The following PLEKHG7 variants were observed in gnomAD, a reference collection of about 807,000 sequenced individuals.
PLEKHG7 encodes the protein pleckstrin homology and RhoGEF domain containing G7.
A neutral mutation model predicts 85.2 loss-of-function variants in PLEKHG7; 77 were observed. The ratio of observed to expected loss-of-function variants is 0.90; its 90% CI spans 0.75 to 1.09. PLEKHG7 has a LOEUF of 1.09. Among genes scored for constraint, PLEKHG7 ranks in the 50% least tolerant of loss-of-function variants. PLEKHG7 has a pLI of 0.00. For synonymous variants in PLEKHG7, 301 were observed against 302.4 expected (o/e 1.00, Z 0.05); for missense variants, 777 against 804.3 (o/e 0.97, Z 0.41).
At chr12:92,726,577 C>G (rs543310821) in intron 3 of PLEKHG7, among the ~76,000 whole-genome samples, 1 of 152,160 alleles carries the variant, frequency 6.6e-6, no homozygotes, top group Non-Finnish European at 1.5e-5. Flanking sequence ...CCCTACAGTT[C>G]CATGTTATTA....
chr12:92,761,671 A>G (rs1421332775), intron 13 of PLEKHG7, 81 bp from the exon 14 acceptor site: 2 of 1,285,472 alleles, frequency 1.6e-6, no homozygotes, highest in Non-Finnish European at 2.0e-6. Flanking sequence ...AGAAAGAAAG[A>G]AAGAAAGAAA....
At chr12:92,730,623 T>C (rs1452544861) in intron 4 of PLEKHG7, among the ~76,000 whole-genome samples, 1 of 152,240 alleles carries the variant, frequency 6.6e-6, no homozygotes, top group Non-Finnish European at 1.5e-5. Flanking sequence ...TTTCAACATA[T>C]TGGTCAGGGT....
intron 3 of PLEKHG7, among the ~76,000 whole-genome samples, chr12:92,718,867 A>G (rs771535078): frequency 1.3e-5 from 2 of 152,174 alleles, no homozygotes; most frequent in Non-Finnish European, 2.9e-5. Flanking sequence ...AATATTACTG[A>G]TTTGACCCCA....
At chr12:92,731,817 G>T (rs946164884) in intron 4 of PLEKHG7, among the ~76,000 whole-genome samples, 1 of 152,192 alleles carries the variant, frequency 6.6e-6, no homozygotes, top group Admixed American at 6.5e-5. Flanking sequence ...ATTGAAGTTT[G>T]CATGTGATGG....
chr12:92,752,427 A>G (rs1565795138), intron 10 of PLEKHG7, among the ~76,000 whole-genome samples: 2 of 152,204 alleles, frequency 1.3e-5, no homozygotes, highest in Non-Finnish European at 2.9e-5. Context: ...GGAAGATGTT[A>G]GAATCTCAGT....
intron 9 of PLEKHG7, among the ~76,000 whole-genome samples, chr12:92,744,503 A>G (rs1872467020): frequency 6.6e-6 from 1 of 152,202 alleles, no homozygotes; most frequent in Non-Finnish European, 1.5e-5. Flanking sequence ...TATTCTAAAA[A>G]CAATTTTAGG....
intron 10 of PLEKHG7, among the ~76,000 whole-genome samples, chr12:92,753,071 A>G (rs1872735469): frequency 6.6e-6 from 1 of 152,206 alleles, no homozygotes; most frequent in Non-Finnish European, 1.5e-5. Context: ...GGTTGGTGCA[A>G]AAGTAATTGC....
Position 92,737,394 on chromosome 12 carries a change from A to G in PLEKHG7, c.812A>G (p.Glu271Gly). The change falls in exon 7 of 17, where the codon GAA becomes GGA. Residue 271 changes from glutamate (E) to glycine (G), a missense_variant. By Grantham distance (98) the Glu-to-Gly change is moderately conservative (BLOSUM62 -2). Around this residue, in one of 3 missense-constraint regions of PLEKHG7, gnomAD observed 520 missense variants for 544.0 expected, o/e 0.96. Coordinates refer to ENST00000344636, the MANE Select transcript of PLEKHG7 (RefSeq NM_001377329.1). ...CATGTACAGGATAAGACCTGGGATG[A>G]AGTCTTGGAAACACATCACAAACTC... Reference protein sequence around the residue: ...FYGLKDKTWDEVLETHHKLPT... With the variant: ...FYGLKDKTWDGVLETHHKLPT... The G allele has an allele frequency of 1.3e-6, 2 of 1,528,036 alleles. No individual in the cohort carries two copies. Among genetic ancestry groups the G allele is most frequent in the Non-Finnish European group, 1.7e-6 (2 of 1,147,290 alleles). 94.7% of individuals were successfully genotyped at this position (1,528,036 alleles called of 1,614,324 possible).
At chr12:92,704,097 C>T (rs1283948073) in intron 1 of PLEKHG7, among the ~76,000 whole-genome samples, 2 of 152,016 alleles carry the variant, frequency 1.3e-5, no homozygotes, top group Non-Finnish European at 2.9e-5. Flanking sequence ...TGTGAAAGTA[C>T]CTATTGATTC....
chr12:92,729,576 TGATA>T (rs1347389145), intron 4 of PLEKHG7, among the ~76,000 whole-genome samples: 2 of 151,936 alleles, frequency 1.3e-5, no homozygotes, highest in African/African-American at 4.8e-5. Flanking sequence ...GATGAGTGTC[TGATA>T]GACAGGCAGC....
chr12:92,753,196 A>G (rs1412910022), intron 10 of PLEKHG7, among the ~76,000 whole-genome samples: 1 of 152,142 alleles, frequency 6.6e-6, no homozygotes, highest in East Asian at 1.9e-4. Flanking sequence ...GTTCAGGGTA[A>G]GAGAAGAGGA....
chr12:92,758,964 C>G (rs374942871), intron 13 of PLEKHG7, among the ~76,000 whole-genome samples: 1 of 152,148 alleles, frequency 6.6e-6, no homozygotes, highest in African/African-American at 2.4e-5. Flanking sequence ...GATCTAGCAC[C>G]AATTGTAGGC....
At chr12:92,709,253 A>G (rs1446176647) in intron 3 of PLEKHG7, among the ~76,000 whole-genome samples, 1 of 152,222 alleles carries the variant, frequency 6.6e-6, no homozygotes, top group Non-Finnish European at 1.5e-5. Flanking sequence ...TGCAAGAGAT[A>G]TTTAGGAGAT....
At chr12:92,720,503 T>C in intron 3 of PLEKHG7, among the ~76,000 whole-genome samples, 1 of 152,066 alleles carries the variant, frequency 6.6e-6, no homozygotes, top group Non-Finnish European at 1.5e-5. Context: ...TTTTTTGTAT[T>C]TTTAGTAGAG....
intron 10 of PLEKHG7, among the ~76,000 whole-genome samples, chr12:92,746,485 C>T (rs1042070538): frequency 6.6e-6 from 1 of 152,194 alleles, no homozygotes; most frequent in African/African-American, 2.4e-5. Context: ...ATTTTTGTAG[C>T]TTCAGCCCTT....
chr12:92,710,808 C>T (rs1388260054), intron 3 of PLEKHG7, among the ~76,000 whole-genome samples: 1 of 152,152 alleles, frequency 6.6e-6, no homozygotes. Context: ...GTTCATGGGC[C>T]CATCGGGCAA....
At chr12:92,713,906 A>G (rs1185561409) in intron 3 of PLEKHG7, among the ~76,000 whole-genome samples, 1 of 152,168 alleles carries the variant, frequency 6.6e-6, no homozygotes, top group Non-Finnish European at 1.5e-5. Flanking sequence ...GTCCCTATTT[A>G]GTGGGCCCAA....
At chr12:92,741,722 G>A (rs1872362769) in intron 9 of PLEKHG7, 130 bp downstream of exon 9, 1 of 515,086 alleles carries the variant, frequency 1.9e-6, no homozygotes, top group East Asian at 3.3e-5. Context: ...CAAAGGAACT[G>A]TCCCTTTCTC....
rs1873110760 is a variant in PLEKHG7 at position 92,763,981 on chromosome 12, T to C, written c.1717-60T>C. 4 of 1,473,676 alleles carry C rather than the reference T, an allele frequency of 2.7e-6. No homozygotes were observed. The South Asian group carries it at 3.8e-5, about 14-fold the overall frequency. 91.3% of individuals were successfully genotyped at this position (1,473,676 alleles called of 1,614,324 possible). ...AATCTATTTGCTTACAGATGCACTT[T>C]AGATAAGTGTGCCAATATTTATTTC... On this transcript the variant is annotated intron_variant, in intron 14 of 16. Coordinates refer to ENST00000344636, the MANE Select transcript of PLEKHG7 (RefSeq NM_001377329.1).
Sources: gnomAD v4.1 joint callset for allele counts (sites outside exome capture counted in the v4.1 genomes callset) on GRCh38, gnomAD v4.1.1 for gene constraint, gnomAD v4.1.1 regional missense constraint, MANE v1.5 for transcripts, NCBI Gene and HGNC (gene_info 2026-07-23, HGNC 2026-07-21) for gene names.